Variants in SLC8A3 observed in about 807,000 individuals in gnomAD.
The protein encoded by SLC8A3 is solute carrier family 8 member A3.
SLC8A3 carries 37 observed loss-of-function variants against 65.4 expected under a neutral mutation model. That is an observed-to-expected ratio of 0.57 (90% CI 0.44 to 0.74). The LOEUF (loss-of-function observed/expected upper bound fraction) is 0.74. Among genes scored for constraint, SLC8A3 ranks in the 30% least tolerant of loss-of-function variants. SLC8A3 has a pLI of 0.00. For synonymous variants in SLC8A3, 461 were observed against 444.5 expected, an observed-to-expected ratio of 1.04 and a Z score of -0.47; for missense variants, 1,112 against 1,172.1, an observed-to-expected ratio of 0.95 and a Z score of 0.75.
chr14:70,179,456 A>C (rs902114034), intron 1 of SLC8A3, among the ~76,000 whole-genome samples: 6 of 152,216 alleles, frequency 3.9e-5, no homozygotes, highest in Admixed American at 1.3e-4. Flanking sequence ...GAGTGGATGC[A>C]AAATGACTCT....
At chr14:70,165,405 C>T (rs1253078043) in intron 2 of SLC8A3, among the ~76,000 whole-genome samples, 1 of 152,164 alleles carries the variant, frequency 6.6e-6, no homozygotes, top group African/African-American at 2.4e-5. Context: ...CCTTCCTCCT[C>T]CTCTTCTAGA....
At chr14:70,115,609 C>G (rs1859143827) in intron 2 of SLC8A3, among the ~76,000 whole-genome samples, 1 of 152,098 alleles carries the variant, frequency 6.6e-6, no homozygotes, top group African/African-American at 2.4e-5. Flanking sequence ...AGGAGAGGGA[C>G]GATGGGAAGC....
chr14:70,148,003 C>T (rs1594760073), intron 2 of SLC8A3, among the ~76,000 whole-genome samples: 1 of 152,174 alleles, frequency 6.6e-6, no homozygotes, highest in African/African-American at 2.4e-5. Context: ...GTTCGACCGA[C>T]AATTTTTGAA....
chr14:70,046,360 G>C lies in SLC8A3; in HGVS notation c.2390-37C>G. 6.4e-7 allele frequency: 1 copy of C among 1,562,598 alleles called. No individual in the cohort carries two copies. The highest frequency in any genetic ancestry group is 8.7e-7 in the Non-Finnish European group (1 of 1,152,472). ...CAAAGACACATGGGAACTGGTAGGAGGCTAAGGTGTGCAGGGCTTGTCTTC... is the reference window on the plus strand; with the variant it reads ...CAAAGACACATGGGAACTGGTAGGACGCTAAGGTGTGCAGGGCTTGTCTTC... On this transcript the variant is annotated intron_variant, in intron 6 of 6. Coordinates refer to ENST00000356921, the MANE Select transcript of SLC8A3 (RefSeq NM_182932.3). The surrounding 1 kb of genome is among the most constrained non-coding windows in gnomAD (Gnocchi z 4.2).
At chr14:70,187,599 CTGTGTGTGTGTGTG>C (rs3053393) in intron 1 of SLC8A3, among the ~76,000 whole-genome samples, 75 of 118,288 alleles carry the variant, frequency 6.3e-4, no homozygotes, top group Middle Eastern at 4.6e-3. Flanking sequence ...AGGGCTTTGA[CTGTGTGTGTGTGTG>C]TGTGTGTGTG....
At chr14:70,058,644 T>G (rs956339010) in intron 3 of SLC8A3, among the ~76,000 whole-genome samples, 1 of 152,214 alleles carries the variant, frequency 6.6e-6, no homozygotes, top group Non-Finnish European at 1.5e-5. Flanking sequence ...CAAAGACATT[T>G]GCATTTGGTT....
At chr14:70,087,101 T>A (rs1437357925) in intron 2 of SLC8A3, among the ~76,000 whole-genome samples, 2 of 152,202 alleles carry the variant, frequency 1.3e-5, no homozygotes, top group Non-Finnish European at 2.9e-5. Context: ...TTCTCAAGAA[T>A]CTCTAGCCAT....
intron 2 of SLC8A3, 63 bp from the exon 3 acceptor site, chr14:70,061,002 G>A: frequency 1.4e-6 from 1 of 728,948 alleles, no homozygotes; most frequent in Non-Finnish European, 2.4e-6. Context: ...GTCACCTGGA[G>A]CACAGCCTTT....
At chr14:70,052,257 T>A in intron 3 of SLC8A3, 143 bp from the exon 4 acceptor site, 1 of 1,007,642 alleles carries the variant, frequency 9.9e-7, no homozygotes, top group Non-Finnish European at 1.4e-6. Flanking sequence ...TAGTGCCTTT[T>A]TTATGAAGTA....
chr14:70,156,950 T>C (rs1896609280), intron 2 of SLC8A3, among the ~76,000 whole-genome samples: 1 of 152,192 alleles, frequency 6.6e-6, no homozygotes, highest in Non-Finnish European at 1.5e-5. Context: ...GCTAGTGTCC[T>C]GGAGAGGATA....
intron 2 of SLC8A3, among the ~76,000 whole-genome samples, chr14:70,065,094 G>A (rs528746235): frequency 6.6e-6 from 1 of 152,294 alleles, no homozygotes; most frequent in East Asian, 1.9e-4. Context: ...TGCACCCTTT[G>A]AGACTCTGCT....
chr14:70,093,133 C>A (rs1891917832), intron 2 of SLC8A3, among the ~76,000 whole-genome samples: 1 of 152,202 alleles, frequency 6.6e-6, no homozygotes, highest in African/African-American at 2.4e-5. Flanking sequence ...AGTATTAACT[C>A]CACACATTCT....
intron 2 of SLC8A3, among the ~76,000 whole-genome samples, chr14:70,074,175 A>G (rs1266451774): frequency 6.6e-6 from 1 of 152,212 alleles, no homozygotes; most frequent in Non-Finnish European, 1.5e-5. Context: ...GGATGACAGA[A>G]CAGCCTACAG....
chr14:70,129,619 A>G (rs1199304559), intron 2 of SLC8A3, among the ~76,000 whole-genome samples: 1 of 152,236 alleles, frequency 6.6e-6, no homozygotes, highest in African/African-American at 2.4e-5. Flanking sequence ...ATAAGGATAA[A>G]TCAGATATGT....
chr14:70,154,874 C>G (rs557988669), intron 2 of SLC8A3, among the ~76,000 whole-genome samples: 1 of 150,518 alleles, frequency 6.6e-6, no homozygotes. Flanking sequence ...GTGTAATGAT[C>G]AAATCAGGGT....
In SLC8A3 at chr14:70,120,249, C is replaced by T. The variant is rs1001845063; in HGVS notation, c.1784+46390G>A. On this transcript the variant is annotated intron_variant, in intron 2 of 6. Coordinates refer to ENST00000356921, the MANE Select transcript of SLC8A3 (RefSeq NM_182932.3). The stretch of plus-strand genomic sequence containing the variant: ...ATTTGGAAGTTATTTCTGCAGCTAG[C>T]GTGAAATACCATGACTAATATACCA... Among the ~76,000 whole-genome samples, 19 of 152,228 alleles carry T rather than the reference C, an allele frequency of 1.2e-4. No homozygotes were observed. In the South Asian group the frequency reaches 2.3e-3, roughly 18 times the overall value.
Position 70,048,822 on chromosome 14 carries a change from A to C in SLC8A3, c.2334T>G (p.Gly778=). ...DLASHFGCTI[G]LKDSVTAVVF... is the part of the protein sequence containing the mutation. ...CAACAGCTGTGACTGAATCTTTGAG[A>C]CCAATGGTGCAGCCGAAGTGCGAGG... Residue 778 remains glycine, a synonymous_variant, in exon 6 of 7, where the codon GGT becomes GGG. Coordinates refer to ENST00000356921, the MANE Select transcript of SLC8A3 (RefSeq NM_182932.3). 6.2e-7 allele frequency: 1 copy of C among 1,614,096 alleles called. No homozygotes were observed. Among genetic ancestry groups the C allele is most frequent in the Non-Finnish European group, 8.5e-7 (1 of 1,180,012 alleles).
rs761840052 is a variant in SLC8A3, at chr14:70,166,777, T to G, written c.1646A>C (p.Glu549Ala). The change falls in exon 2 of 7, where the codon GAG (glutamate) becomes GCG (alanine). Residue 549 changes from glutamate to alanine, a missense_variant. Physicochemically the swap from Glu to Ala is moderately radical, Grantham distance 107. Transcript: ENST00000356921. The stretch of plus-strand genomic sequence containing the variant: ...ACCTGATGTCCGCAGAACCTTGACC[T>G]CCATAACACCAATACTCTCACTGAC... ...IHVSESIGVMEVKVLRTSGAR... is the reference protein window; with the variant it reads ...IHVSESIGVMAVKVLRTSGAR... 1.1e-5 allele frequency: 17 copies of G among 1,614,000 alleles called. No individual in the cohort carries two copies. The South Asian group carries it at 1.8e-4, about 17-fold the overall frequency.
At chr14:70,074,242 G>C (rs1041630864) in intron 2 of SLC8A3, among the ~76,000 whole-genome samples, 8 of 152,306 alleles carry the variant, frequency 5.3e-5, no homozygotes, top group African/African-American at 1.9e-4. Context: ...GTCCCAAAGG[G>C]GTTGTCAGAA....
Sources: allele counts gnomAD v4.1 joint callset (sites outside exome capture counted in the v4.1 genomes callset), GRCh38; gene constraint gnomAD v4.1.1; non-coding constraint Gnocchi (gnomAD v3.1); transcripts MANE v1.5; gene names NCBI Gene and HGNC (gene_info 2026-07-23, HGNC 2026-07-21).